DAB1: variants seen among roughly 807,000 people sequenced by gnomAD.
DAB1 encodes the protein disabled homolog 1.
A neutral mutation model predicts 64.6 loss-of-function variants in DAB1; 15 were observed. That is an observed-to-expected ratio of 0.23 (90% CI 0.16 to 0.36). The LOEUF (loss-of-function observed/expected upper bound fraction) is 0.36. Among genes scored for constraint, DAB1 ranks in the 10% least tolerant of loss-of-function variants. The pLI is 1.00. For synonymous variants in DAB1, 235 were observed against 251.9 expected (o/e 0.93, Z 0.64); for missense variants, 596 against 706.7 (o/e 0.84, Z 1.78).
intron 1 of DAB1, among the ~76,000 whole-genome samples, chr1:57,381,305 C>T (rs192239255): frequency 2.6e-5 from 4 of 152,214 alleles, no homozygotes; most frequent in Non-Finnish European, 4.4e-5. Context: ...GAGAGAGAAA[C>T]AGAAATGCAG....
chr1:57,139,242 C>T (rs1658378168), intron 3 of DAB1, among the ~76,000 whole-genome samples: 1 of 152,090 alleles, frequency 6.6e-6, no homozygotes, highest in African/African-American at 2.4e-5. Flanking sequence ...GATTAGCGTT[C>T]TTATAAAAAG....
chr1:57,290,248 G>GA (rs368971894), intron 2 of DAB1, among the ~76,000 whole-genome samples: 3,241 of 142,642 alleles, frequency 0.023, 96 homozygotes, highest in African/African-American at 0.075. Context: ...GTCAGTTCAG[G>GA]AAAAAAAAAA....
At chr1:57,280,677 T>C (rs1365914209) in intron 2 of DAB1, among the ~76,000 whole-genome samples, 2 of 152,282 alleles carry the variant, frequency 1.3e-5, no homozygotes, top group East Asian at 3.9e-4. Context: ...TTACTACCAA[T>C]ATGGCCTACA....
chr1:57,398,781 G>A (rs986956447), intron 1 of DAB1, among the ~76,000 whole-genome samples: 1 of 152,336 alleles, frequency 6.6e-6, no homozygotes, highest in East Asian at 1.9e-4. Flanking sequence ...TGGAGATGCC[G>A]CCTCTGGGCT....
At chr1:57,402,578 T>C (rs1570456284) in intron 1 of DAB1, among the ~76,000 whole-genome samples, 1 of 152,194 alleles carries the variant, frequency 6.6e-6, no homozygotes, top group East Asian at 1.9e-4. Context: ...GAGTCTGATA[T>C]GCAAATCCCA....
At chr1:57,587,633 G>T (rs1163751032) in intron 7 of DAB1, among the ~76,000 whole-genome samples, 2 of 152,122 alleles carry the variant, frequency 1.3e-5, no homozygotes, top group African/African-American at 4.8e-5. Context: ...ATTTTAAAGG[G>T]ATTTACTGCT....
intron 5 of DAB1, among the ~76,000 whole-genome samples, chr1:58,039,121 T>C (rs114501770): frequency 0.013 from 2,034 of 152,276 alleles, 42 homozygotes; most frequent in African/African-American, 0.043. Context: ...AGACTGCTAC[T>C]CCATTCCCAG....
At chr1:57,663,638 T>G (rs1202593073) in intron 6 of DAB1, among the ~76,000 whole-genome samples, 4 of 152,206 alleles carry the variant, frequency 2.6e-5, no homozygotes, top group Admixed American at 2.6e-4. Flanking sequence ...TCTTATTTTT[T>G]TTTTTAAAAA....
At chr1:58,526,849 T>C (rs1218680182) in intron 2 of DAB1, among the ~76,000 whole-genome samples, 3 of 152,094 alleles carry the variant, frequency 2.0e-5, no homozygotes, top group African/African-American at 7.2e-5. Context: ...AGCATTAGCT[T>C]TCCAGAGGGA....
chr1:57,364,659 T>C (rs1679825095), intron 1 of DAB1, among the ~76,000 whole-genome samples: 1 of 152,006 alleles, frequency 6.6e-6, no homozygotes, highest in South Asian at 2.1e-4. Context: ...ACATCCTCTA[T>C]TACTAGATTA....
chr1:58,173,098 C>T (rs1171272241), intron 4 of DAB1, among the ~76,000 whole-genome samples: 1 of 152,220 alleles, frequency 6.6e-6, no homozygotes, highest in African/African-American at 2.4e-5. Flanking sequence ...CAGGCAGAAC[C>T]TCCCATTAGA....
At chr1:58,034,284 G>A (rs761005087) in intron 5 of DAB1, among the ~76,000 whole-genome samples, 5 of 152,166 alleles carry the variant, frequency 3.3e-5, no homozygotes, top group African/African-American at 4.8e-5. Flanking sequence ...CAGAGGAACC[G>A]AGCCCTCAGT....
intron 2 of DAB1, among the ~76,000 whole-genome samples, chr1:57,254,500 G>A (rs910247160): frequency 2.0e-5 from 3 of 152,232 alleles, no homozygotes; most frequent in African/African-American, 7.2e-5. Context: ...AAGTATACAC[G>A]AAACAACAGG....
At chr1:57,411,584 G>A (rs1478517776) in intron 1 of DAB1, among the ~76,000 whole-genome samples, 1 of 152,174 alleles carries the variant, frequency 6.6e-6, no homozygotes, top group Non-Finnish European at 1.5e-5. Flanking sequence ...ACCCTCCTTT[G>A]CAGATCCCTT....
chr1:58,466,079 T>C (rs987966978), intron 3 of DAB1, among the ~76,000 whole-genome samples: 1 of 152,104 alleles, frequency 6.6e-6, no homozygotes, highest in African/African-American at 2.4e-5. Flanking sequence ...TCCCCACAAC[T>C]GCTTTCCAAA....
At chr1:57,124,885 C>CA (rs1191178256) in intron 4 of DAB1, among the ~76,000 whole-genome samples, 1 of 152,114 alleles carries the variant, frequency 6.6e-6, no homozygotes, top group Non-Finnish European at 1.5e-5. Flanking sequence ...GAGTCAGCAT[C>CA]AAAAAATCAC....
At position 57,082,979 on chromosome 1, in the gene DAB1, C is replaced by T. The variant is rs1368874643; in HGVS notation, c.307-10565G>A. Reference sequence around the variant, plus strand: ...TCTCTGGGCCAGGGGTTGAGTGGGTCGGGGTGCAGATTCCCAAAATTGGAA... The same window carrying T: ...TCTCTGGGCCAGGGGTTGAGTGGGTTGGGGTGCAGATTCCCAAAATTGGAA... On this transcript the variant is annotated intron_variant, in intron 4 of 14. Transcript: ENST00000371236. Among the ~76,000 whole-genome samples the T allele has an allele frequency of 2.6e-5, 4 of 152,072 alleles. No homozygotes were observed. In the South Asian group the frequency reaches 6.2e-4, roughly 24 times the overall value.
At chr1:57,566,487 G>A (rs1288346609) in intron 7 of DAB1, among the ~76,000 whole-genome samples, 9 of 152,126 alleles carry the variant, frequency 5.9e-5, no homozygotes, top group African/African-American at 2.2e-4. Context: ...GAATCCAGGA[G>A]CTTGTTTTTT....
chr1:57,199,379 C>T (rs1282166018), intron 2 of DAB1, among the ~76,000 whole-genome samples: 1 of 152,206 alleles, frequency 6.6e-6, no homozygotes, highest in Non-Finnish European at 1.5e-5. Context: ...CACATAGGGC[C>T]TGTCCCAGAG....
Sources: allele counts gnomAD v4.1 joint callset (sites outside exome capture counted in the v4.1 genomes callset), GRCh38; gene constraint gnomAD v4.1.1; transcripts MANE v1.5; gene names NCBI Gene and HGNC (gene_info 2026-07-23, HGNC 2026-07-21).